The following PIH1D1 variants were observed in gnomAD, a reference collection of about 807,000 sequenced individuals.
The protein encoded by PIH1D1 is PIH1 domain-containing protein 1.
Under a neutral mutation model 38.5 loss-of-function variants are expected in PIH1D1, and 28 were observed. The ratio of observed to expected loss-of-function variants is 0.73; its 90% CI spans 0.54 to 1.00. The LOEUF (loss-of-function observed/expected upper bound fraction) is 1.00. Ranked by LOEUF, PIH1D1 falls within the 50% of genes least tolerant of loss-of-function variation. PIH1D1 has a pLI of 0.00. For synonymous variants in PIH1D1, 155 were observed against 153.5 expected, an observed-to-expected ratio of 1.01 and a Z score of -0.07; for missense variants, 343 against 369.9, an observed-to-expected ratio of 0.93 and a Z score of 0.60.
chr19:49,447,186 T>C (rs1042646682), intron 6 of PIH1D1, 87 bp from the exon 7 acceptor site: 243 of 1,476,668 alleles, frequency 1.6e-4, no homozygotes, highest in Non-Finnish European at 2.1e-4. Context: ...ACCAGCCCTA[T>C]TGGCCTCAGG....
At chr19:49,446,773 TG>T in intron 7 of PIH1D1, 79 bp from the exon 8 acceptor site, 1 of 1,409,858 alleles carries the variant, frequency 7.1e-7, no homozygotes, top group Non-Finnish European at 9.7e-7. Context: ...CCTCACACGC[TG>T]GGAAACTATA....
In PIH1D1 at chr19:49,451,515, A is replaced by T; in HGVS notation, c.60T>A (p.Asp20Glu). 3 of 1,613,850 alleles carry T rather than the reference A, an allele frequency of 1.9e-6. No homozygotes were observed. Among genetic ancestry groups the T allele is most frequent in the Non-Finnish European group, 2.5e-6 (3 of 1,179,978 alleles). ...GLSEAEAIGA[D>E]SARFEELLLQ... Reference sequence around the variant, plus strand: ...GCAGCAGCTCCTCAAATCGCGCCGAATCAGCACCGATCGCCTCCGCCTCGC... The same window carrying T: ...GCAGCAGCTCCTCAAATCGCGCCGATTCAGCACCGATCGCCTCCGCCTCGC... The change falls in exon 1 of 9, where the codon GAT becomes GAA. Residue 20 changes from aspartate (D) to glutamate (E), a missense_variant. By Grantham distance (45) the Asp-to-Glu change is conservative. Coordinates refer to ENST00000262265, the MANE Select transcript of PIH1D1 (RefSeq NM_017916.3).
rs1016049020 is a variant in PIH1D1, at chr19:49,451,115, C to G, written c.91-267G>C. On this transcript the variant is annotated intron_variant, in intron 1 of 8. Coordinates refer to ENST00000262265, the MANE Select transcript of PIH1D1 (RefSeq NM_017916.3). ...CGAGGTCTCGGCTCATTGCAAGCTT[C>G]GCCTCCCGGGTTCACGCCATTCTCC... Among the ~76,000 whole-genome samples, 4 of 148,000 alleles carry G rather than the reference C, an allele frequency of 2.7e-5. No individual in the cohort carries two copies. In the East Asian group the frequency reaches 8.0e-4, roughly 30 times the overall value.
At chr19:49,446,854 C>A in intron 7 of PIH1D1, 160 bp from the exon 8 acceptor site, 1 of 1,101,308 alleles carries the variant, frequency 9.1e-7, no homozygotes, top group Non-Finnish European at 1.3e-6. Flanking sequence ...CGAGCACTTA[C>A]AATCCCTTGG....
chr19:49,447,432 A>G lies in PIH1D1; in HGVS notation c.517T>C (p.Ser173Pro), dbSNP rs1273336164. ...RMMKNRPFMGSISQQNIRSEQ... is the reference protein window; with the variant it reads ...RMMKNRPFMGPISQQNIRSEQ... ...GAGCGGATGTTCTGCTGCGAGATGG[A>G]GCCCATGAATGGCCGGTTCTTCATC... The change falls in exon 6 of 9, where the codon TCC (serine) becomes CCC (proline). Residue 173 changes from serine (S) to proline (P), a missense_variant. Ser to Pro is a moderately conservative substitution (Grantham distance 74). Coordinates refer to ENST00000262265, the MANE Select transcript of PIH1D1 (RefSeq NM_017916.3). The G allele has an allele frequency of 6.2e-7, 1 of 1,612,160 alleles. No homozygotes were observed. The highest frequency in any genetic ancestry group is 8.5e-7 in the Non-Finnish European group (1 of 1,179,956).
chr19:49,450,896 C>T (rs762408390), intron 1 of PIH1D1, 48 bp from the exon 2 acceptor site: 1 of 1,613,234 alleles, frequency 6.2e-7, no homozygotes, highest in Non-Finnish European at 8.5e-7. Context: ...TGCCATCAGA[C>T]CCCTCATTTG....
chr19:49,451,366 A>G (rs1383695817), intron 1 of PIH1D1, 119 bp downstream of exon 1: 1 of 1,427,220 alleles, frequency 7.0e-7, no homozygotes, highest in Non-Finnish European at 9.7e-7. Context: ...AAGCCCATTA[A>G]CCTCAATTCC....
chr19:49,451,785 ACCCT>A lies in PIH1D1; in HGVS notation c.-215_-212del. On this transcript the variant is annotated 5_prime_UTR_variant, in exon 1 of 9. Coordinates refer to ENST00000262265, the MANE Select transcript of PIH1D1 (RefSeq NM_017916.3). ...GGGAATATGTGTCTCTAGACGCACT[ACCCT>A]CCGTCCTACGTGCCGAACTGTAAAC... 7.3e-7 allele frequency: 1 copy of A among 1,367,554 alleles called. No homozygotes were observed. Among genetic ancestry groups the A allele is most frequent in the Non-Finnish European group, 9.5e-7 (1 of 1,052,966 alleles). The allele number at this position is 1,367,554 out of a possible 1,614,324, so 84.7% of individuals were successfully genotyped here. A position where few individuals can be genotyped will look rare whatever the true frequency, so the allele number is the denominator to read the frequency against.
Position 49,450,844 on chromosome 19 carries a change from G to A in PIH1D1, c.95C>T (p.Ser32Leu), listed in dbSNP as rs1213855035. ...ARFEELLLQA[S>L]KELQQAQTTR... Reference sequence around the variant, plus strand: ...TGTCTGGGCTTGCTGGAGCTCCTTCGAGGCCTGTATAAAGGAAAACTACCT... The same window carrying A: ...TGTCTGGGCTTGCTGGAGCTCCTTCAAGGCCTGTATAAAGGAAAACTACCT... The change falls in exon 2 of 9, where the codon TCG becomes TTG. Residue 32 changes from serine (S) to leucine (L), a missense_variant. Physicochemically the swap from Ser to Leu is moderately radical, Grantham distance 145. Transcript: ENST00000262265. 4.3e-6 allele frequency: 7 copies of A among 1,613,348 alleles called. No individual in the cohort carries two copies. Among genetic ancestry groups the A allele is most frequent in the South Asian group, 3.3e-5 (3 of 91,054 alleles).
rs10616213 is a variant in PIH1D1, at chr19:49,451,025, CTTTTT to C, written c.91-182_91-178del. ...AACAACCCCAACCCCATTCCCATTT[CTTTTT>C]TTTTTTTTTTTTTTTTGGAGACGGA... On this transcript the variant is annotated intron_variant, in intron 1 of 8. Transcript: ENST00000262265. The C allele has an allele frequency of 9.6e-3, 5,264 of 545,644 alleles. 1 individual carries two copies. The highest frequency in any genetic ancestry group is 0.014 in the South Asian group (549 of 39,684). 33.8% of individuals were successfully genotyped at this position (545,644 alleles called of 1,614,324 possible).
At chr19:49,449,009 T>A (rs2079041649) in intron 3 of PIH1D1, 1 of 319,002 alleles carries the variant, frequency 3.1e-6, no homozygotes, top group Non-Finnish European at 6.2e-6. Context: ...CAGGCCAACG[T>A]GGCGAAACCC....
intron 8 of PIH1D1, 59 bp downstream of exon 8, chr19:49,446,492 G>A (rs1462761261): frequency 6.4e-7 from 1 of 1,574,034 alleles, no homozygotes; most frequent in Non-Finnish European, 8.7e-7. Context: ...CCCCTCCCTG[G>A]GAGACAGAGT....
chr19:49,448,015 A>G lies in PIH1D1; in HGVS notation c.385T>C (p.Tyr129His), dbSNP rs2079035452. Reference sequence around the variant, plus strand: ...CCGCCCCCAACCTGCATCCTCCGGTAGAAGTCGCTGTTGACAGCTACGTCG... The same window carrying G: ...CCGCCCCCAACCTGCATCCTCCGGTGGAAGTCGCTGTTGACAGCTACGTCG... ...AYDVAVNSDF[Y>H]RRMQNSDFLR... Residue 129 changes from tyrosine (Y) to histidine (H), a missense_variant, in exon 4 of 9, where the codon TAC becomes CAC. By Grantham distance (83) the Tyr-to-His change is moderately conservative. Coordinates refer to ENST00000262265, the MANE Select transcript of PIH1D1 (RefSeq NM_017916.3). 1 of 1,614,230 alleles carries G rather than the reference A, an allele frequency of 6.2e-7. No homozygotes were observed. The highest frequency in any genetic ancestry group is 1.1e-5 in the South Asian group (1 of 91,084).
intron 2 of PIH1D1, 91 bp downstream of exon 2, chr19:49,450,691 C>CCCCCCCCCTT: frequency 5.6e-6 from 4 of 718,202 alleles, no homozygotes; most frequent in South Asian, 2.1e-5. Context: ...CACCCCCACC[C>CCCCCCCCCTT]TAGGCCTTTA....
intron 2 of PIH1D1, 128 bp from the exon 3 acceptor site, chr19:49,449,782 T>G: frequency 1.6e-6 from 1 of 638,616 alleles, no homozygotes. Flanking sequence ...CCACCCGAGA[T>G]CCCTCACTTC....
chr19:49,449,794 CTTTTT>C (rs61447252), intron 2 of PIH1D1, 140 bp from the exon 3 acceptor site: 183,196 of 496,142 alleles, frequency 0.37, 14,189 homozygotes, highest in Middle Eastern at 0.44. Flanking sequence ...CCTCACTTCT[CTTTTT>C]TTTTTTTTTT....
intron 7 of PIH1D1, 113 bp downstream of exon 7, chr19:49,446,909 CAG>C: frequency 1.8e-6 from 2 of 1,132,704 alleles, no homozygotes; most frequent in South Asian, 2.6e-5. Flanking sequence ...GGCCTCCTGG[CAG>C]AGAGGACGCA....
intron 1 of PIH1D1, 123 bp from the exon 2 acceptor site, chr19:49,450,971 G>A (rs755434239): frequency 6.4e-7 from 1 of 1,570,000 alleles, no homozygotes; most frequent in Non-Finnish European, 8.6e-7. Context: ...AGACGGTTTA[G>A]GTCCCCTTTC....
In PIH1D1 at chr19:49,446,323, C is replaced by T. The variant is rs2079021993; in HGVS notation, c.*59G>A. The T allele has an allele frequency of 6.4e-6, 5 of 782,842 alleles. No homozygotes were observed. Among genetic ancestry groups the T allele is most frequent in the Non-Finnish European group, 1.2e-5 (5 of 420,036 alleles). 48.5% of individuals were successfully genotyped at this position (782,842 alleles called of 1,614,324 possible). A position where few individuals can be genotyped will look rare whatever the true frequency, so the allele number is the denominator to read the frequency against. ...CAAAGGCAAAAATCTTTTATTTCAA[C>T]TTTTAGGGAAGCCAGCAGCCTCTTC... On this transcript the variant is annotated 3_prime_UTR_variant, in exon 9 of 9. Transcript: ENST00000262265.
Sources: gnomAD v4.1 joint callset for allele counts (sites outside exome capture counted in the v4.1 genomes callset) on GRCh38, gnomAD v4.1.1 for gene constraint, MANE v1.5 for transcripts, NCBI Gene and HGNC (gene_info 2026-07-23, HGNC 2026-07-21) for gene names.